The following TXNDC8 variants were observed in gnomAD, a reference collection of about 807,000 sequenced individuals.
TXNDC8 encodes thioredoxin domain containing 8, also known as thioredoxin domain-containing protein 8.
TXNDC8 carries 15 observed loss-of-function variants against 12.9 expected under a neutral mutation model. That is an observed-to-expected ratio of 1.16 (90% CI 0.78 to 1.79). TXNDC8 has a LOEUF of 1.79. TXNDC8 is among the 40% of genes most tolerant of loss of function. TXNDC8 has a pLI of 0.00. For missense variants in TXNDC8, 128 were observed against 113.2 expected (o/e 1.13, Z -0.59); for synonymous variants, 40 against 35.4 (o/e 1.13, Z -0.46).
chr9:110,312,636 G>A (rs111634852), intron 3 of TXNDC8, among the ~76,000 whole-genome samples: 45 of 152,294 alleles, frequency 3.0e-4, no homozygotes, highest in African/African-American at 9.9e-4. Context: ...TCTATGGAAC[G>A]AAGTTCCATC....
At chr9:110,311,491 C>T (rs1372253215) in intron 3 of TXNDC8, among the ~76,000 whole-genome samples, 22 of 68,384 alleles carry the variant, frequency 3.2e-4, no homozygotes, top group African/African-American at 8.7e-4. Context: ...GAAATAAGAG[C>T]GATGTAAAGA....
At chr9:110,311,551 A>ATC (rs1486619170) in intron 3 of TXNDC8, among the ~76,000 whole-genome samples, 1 of 131,102 alleles carries the variant, frequency 7.6e-6, no homozygotes, top group Admixed American at 7.6e-5. Context: ...ATATATATAT[A>ATC]TATATATCTC....
chr9:110,304,489 C>T lies in TXNDC8; in HGVS notation c.239G>A (p.Arg80Lys), dbSNP rs200278329. 6.2e-7 allele frequency: 1 copy of T among 1,610,448 alleles called. No individual in the cohort carries two copies. The highest frequency in any genetic ancestry group is 8.5e-7 in the Non-Finnish European group (1 of 1,177,732). Reference sequence around the variant, plus strand: ...TACCAGGTTGCTCATGAATCCACTTCTATAACAGCAAATTATTCTTTTGAT... The same window carrying T: ...TACCAGGTTGCTCATGAATCCACTTTTATAACAGCAAATTATTCTTTTGAT... The change falls in exon 4 of 5, where the codon AGA (arginine) becomes AAA (lysine). Residue 80 changes from arginine to lysine, a missense_variant. Coordinates refer to ENST00000423740, the MANE Select transcript of TXNDC8 (RefSeq NM_001286946.2).
At chr9:110,313,802 C>T (rs544424527) in intron 3 of TXNDC8, among the ~76,000 whole-genome samples, 74 of 152,258 alleles carry the variant, frequency 4.9e-4, no homozygotes, top group South Asian at 1.4e-3. Flanking sequence ...CTCCCTTCTT[C>T]CCCCTATTTT....
Position 110,320,238 on chromosome 9 carries a change from T to A in TXNDC8, c.195+5937A>T, listed in dbSNP as rs147897947. On this transcript the variant is annotated intron_variant, in intron 3 of 4. Coordinates refer to ENST00000423740, the MANE Select transcript of TXNDC8 (RefSeq NM_001286946.2). Reference sequence around the variant, plus strand: ...ATCTCATCTTGAGTTGTAGCTCCGATAATTCCCATGTGTCATGGGAGGGAC... The same window carrying A: ...ATCTCATCTTGAGTTGTAGCTCCGAAAATTCCCATGTGTCATGGGAGGGAC... Among the ~76,000 whole-genome samples, 23 of 152,290 alleles carry A rather than the reference T, an allele frequency of 1.5e-4. No homozygotes were observed. The East Asian group carries it at 4.4e-3, about 29-fold the overall frequency.
Position 110,315,119 on chromosome 9 carries a change from G to GT in TXNDC8, c.196-10588dup, listed in dbSNP as rs1032466672. Among the ~76,000 whole-genome samples the GT allele has an allele frequency of 1.3e-3, 194 of 151,242 alleles. 1 individual carries two copies. Among genetic ancestry groups the GT allele is most frequent in the African/African-American group, 4.4e-3 (183 of 41,224 alleles). ...CCAGAGGCAGGTTTTTTTTTGTTTT[G>GT]TTTTTTTGGCTCTTGTTGCCCAGGC... is the stretch of plus-strand genomic sequence containing the variant. On this transcript the variant is annotated intron_variant, in intron 3 of 4. Transcript: ENST00000423740.
chr9:110,320,591 T>C (rs1380332579), intron 3 of TXNDC8, among the ~76,000 whole-genome samples: 2 of 152,250 alleles, frequency 1.3e-5, no homozygotes, highest in African/African-American at 2.4e-5. Context: ...GATCCACTGA[T>C]AGGCTTCAGA....
intron 3 of TXNDC8, among the ~76,000 whole-genome samples, chr9:110,317,640 C>T (rs1470494107): frequency 6.6e-6 from 1 of 152,272 alleles, no homozygotes; most frequent in Non-Finnish European, 1.5e-5. Flanking sequence ...GCCCCAGATT[C>T]TCCCACAGGT....
intron 3 of TXNDC8, among the ~76,000 whole-genome samples, chr9:110,311,476 AC>A (rs1838659085): frequency 7.0e-6 from 1 of 143,778 alleles, no homozygotes; most frequent in African/African-American, 2.5e-5. Flanking sequence ...GGTAAAAGAA[AC>A]CAGGAAATAA....
At chr9:110,333,015 A>G (rs368230578) in intron 2 of TXNDC8, among the ~76,000 whole-genome samples, 1 of 152,328 alleles carries the variant, frequency 6.6e-6, no homozygotes, top group South Asian at 2.1e-4. Flanking sequence ...AATTTTTATG[A>G]AGTATGTAAA....
chr9:110,327,798 G>T (rs985473776), intron 2 of TXNDC8, among the ~76,000 whole-genome samples: 3 of 152,304 alleles, frequency 2.0e-5, no homozygotes, highest in East Asian at 1.9e-4. Context: ...GTGGAGGATG[G>T]AGGGAATTGG....
intron 3 of TXNDC8, among the ~76,000 whole-genome samples, chr9:110,311,395 G>C (rs1216258190): frequency 1.3e-5 from 2 of 150,368 alleles, no homozygotes; most frequent in Non-Finnish European, 3.0e-5. Flanking sequence ...GAAAAGAAGT[G>C]TGTCCTTTTT....
intron 2 of TXNDC8, among the ~76,000 whole-genome samples, chr9:110,329,807 C>T (rs1025931582): frequency 6.6e-6 from 1 of 152,162 alleles, no homozygotes; most frequent in African/African-American, 2.4e-5. Flanking sequence ...AATTTATTTG[C>T]ACTCCTGTTG....
Position 110,337,800 on chromosome 9 carries a change from T to C in TXNDC8, c.-4A>G. The C allele has an allele frequency of 6.2e-7, 1 of 1,613,952 alleles. No homozygotes were observed. The highest frequency in any genetic ancestry group is 8.5e-7 in the Non-Finnish European group (1 of 1,179,890). On this transcript the variant is annotated 5_prime_UTR_variant, in exon 1 of 5. Transcript: ENST00000423740. The stretch of plus-strand genomic sequence containing the variant: ...TGTCTTTAATAATCTGTACCATGAT[T>C]ACACCAGGGAAGTGCTGATGAAAAT...
chr9:110,326,328 G>A (rs1481423492), intron 2 of TXNDC8, 88 bp from the exon 4 acceptor site: 30 of 1,384,710 alleles, frequency 2.2e-5, no homozygotes, highest in Middle Eastern at 1.8e-4. Flanking sequence ...TTTAGGAGGC[G>A]TGTCTGAAAT....
At chr9:110,323,752 T>C in intron 3 of TXNDC8, 1 of 1,276,064 alleles carries the variant, frequency 7.8e-7, no homozygotes, top group Non-Finnish European at 1.1e-6. Flanking sequence ...TACTCTTGGC[T>C]TGACTCTGTT....
At chr9:110,329,122 A>G in intron 2 of TXNDC8, 110 bp downstream of exon 3, 1 of 925,718 alleles carries the variant, frequency 1.1e-6, no homozygotes, top group Non-Finnish European at 1.7e-6. Context: ...AAAATGTAAA[A>G]TTCTAGTTGA....
rs1322160629 is a variant in TXNDC8, at chr9:110,304,485, A to G, written c.243T>C (p.Ser81=). The change falls in exon 4 of 5, where the codon AGT becomes AGC. Residue 81 remains serine, a synonymous_variant. Coordinates refer to ENST00000423740, the MANE Select transcript of TXNDC8 (RefSeq NM_001286946.2). ...CACTTACCAGGTTGCTCATGAATCC[A>G]CTTCTATAACAGCAAATTATTCTTT... The G allele has an allele frequency of 6.2e-6, 10 of 1,609,916 alleles. No individual in the cohort carries two copies. The highest frequency in any genetic ancestry group is 8.5e-6 in the Non-Finnish European group (10 of 1,177,504).
intron 2 of TXNDC8, among the ~76,000 whole-genome samples, chr9:110,330,053 C>T (rs1839490538): frequency 6.6e-6 from 1 of 152,186 alleles, no homozygotes. Context: ...ACAGCAGCAG[C>T]AGTGACAACA....
Sources: allele counts gnomAD v4.1 joint callset (sites outside exome capture counted in the v4.1 genomes callset), GRCh38; gene constraint gnomAD v4.1.1; transcripts MANE v1.5; gene names NCBI Gene and HGNC (gene_info 2026-07-23, HGNC 2026-07-21).